SPATA4: variants seen among roughly 807,000 people sequenced by gnomAD.
SPATA4 encodes the protein spermatogenesis associated 4.
Under a neutral mutation model 31.8 loss-of-function variants are expected in SPATA4, and 35 were observed. That is an observed-to-expected ratio of 1.10 (90% confidence interval 0.84 to 1.46). SPATA4 has a LOEUF of 1.46. SPATA4 is among the 40% of genes most tolerant of loss of function. The pLI, the probability that SPATA4 is intolerant of heterozygous loss-of-function variation, is 0.00. For synonymous variants in SPATA4, 126 were observed against 132.4 expected (o/e 0.95, Z 0.33); for missense variants, 394 against 363.1 (o/e 1.09, Z -0.69).
intron 1 of SPATA4, chr4:176,194,564 C>A (rs547601161): frequency 1.6e-4 from 24 of 152,254 alleles, no homozygotes; most frequent in African/African-American, 5.8e-4. Context: ...GCAAAAGATT[C>A]ATTGCCTTTT....
intron 3 of SPATA4, 21 bp from the exon 4 acceptor site, chr4:176,192,868 A>G (rs369976905): frequency 2.7e-5 from 44 of 1,604,312 alleles, no homozygotes; most frequent in Non-Finnish European, 3.6e-5. Flanking sequence ...AAAATAAAAT[A>G]CTGTTGACAA....
chr4:176,193,118 T>C, intron 2 of SPATA4, 42 bp from the exon 3 acceptor site: 1 of 1,270,994 alleles, frequency 7.9e-7, no homozygotes, highest in Non-Finnish European at 1.1e-6. Context: ...TAAGAACTTT[T>C]ATAAAAATCT....
At chr4:176,190,681 A>C (rs1482541636) in intron 4 of SPATA4, among the ~76,000 whole-genome samples, 1 of 152,148 alleles carries the variant, frequency 6.6e-6, no homozygotes, top group African/African-American at 2.4e-5. Context: ...GCTGCACCAC[A>C]TACCTTCTCA....
chr4:176,189,963 G>A (rs1226683481), intron 4 of SPATA4, among the ~76,000 whole-genome samples: 1 of 152,170 alleles, frequency 6.6e-6, no homozygotes, highest in Non-Finnish European at 1.5e-5. Context: ...CAACTCTAAG[G>A]GGGTGCACGT....
intron 1 of SPATA4, among the ~76,000 whole-genome samples, chr4:176,195,043 C>T (rs543260407): frequency 3.9e-4 from 60 of 152,102 alleles, no homozygotes; most frequent in Non-Finnish European, 6.6e-4. Context: ...GCCGTCCTTA[C>T]CAGTATTAAT....
intron 4 of SPATA4, among the ~76,000 whole-genome samples, chr4:176,189,594 C>T (rs142667894): frequency 2.0e-5 from 3 of 152,134 alleles, no homozygotes; most frequent in Admixed American, 6.5e-5. Context: ...TAGGACTTTA[C>T]AAAGTATCAA....
At position 176,188,531 on chromosome 4, in the gene SPATA4, A is replaced by G. The variant is rs549700553; in HGVS notation, c.689-296T>C. On this transcript the variant is annotated intron_variant, in intron 4 of 5. Transcript: ENST00000280191. ...CAAACAGTAAGTATAATTCACTCCA[A>G]TGAATGTGTGAGTGAATACACTTAG... 8.5e-5 allele frequency among the ~76,000 whole-genome samples: 13 copies of G among 152,298 alleles called. No homozygotes were observed. The East Asian group carries it at 2.5e-3, about 29-fold the overall frequency.
intron 4 of SPATA4, among the ~76,000 whole-genome samples, chr4:176,190,423 C>T (rs1410021103): frequency 6.6e-6 from 1 of 152,092 alleles, no homozygotes; most frequent in African/African-American, 2.4e-5. Flanking sequence ...AACAAATTAC[C>T]ACAAATATCA....
chr4:176,195,337 T>C lies in SPATA4; in HGVS notation c.218+8A>G. The C allele has an allele frequency of 6.2e-7, 1 of 1,613,950 alleles. No individual in the cohort carries two copies. Among genetic ancestry groups the C allele is most frequent in the Non-Finnish European group, 8.5e-7 (1 of 1,179,990 alleles). ...CCGGGGGGGCCTAGGACTGGCTTACTCAAGCACCTGTTGATGTTCCTGGGG... is the reference window on the plus strand; with the variant it reads ...CCGGGGGGGCCTAGGACTGGCTTACCCAAGCACCTGTTGATGTTCCTGGGG... On this transcript the variant is annotated splice_region_variant and intron_variant, in intron 1 of 5. Transcript: ENST00000280191.
At position 176,184,643 on chromosome 4, in the gene SPATA4, A is replaced by C; in HGVS notation, c.*137T>G. The stretch of plus-strand genomic sequence containing the variant: ...TAATAAACAAATTGAATGGAAAAGA[A>C]ATGTTCTTTAACACAATTATGGAAA... On this transcript the variant is annotated 3_prime_UTR_variant, in exon 6 of 6. Coordinates refer to ENST00000280191, the MANE Select transcript of SPATA4 (RefSeq NM_144644.4). 1 of 449,948 alleles carries C rather than the reference A, an allele frequency of 2.2e-6. No individual in the cohort carries two copies. The highest frequency in any genetic ancestry group is 3.9e-6 in the Non-Finnish European group (1 of 254,088). 27.9% of individuals were successfully genotyped at this position (449,948 alleles called of 1,614,324 possible).
Position 176,193,043 on chromosome 4 carries a change from C to T in SPATA4, c.382G>A (p.Glu128Lys). The change falls in exon 3 of 6, where the codon GAA becomes AAA. Residue 128 changes from glutamate (E) to lysine (K), a missense_variant. Physicochemically the swap from Glu to Lys is moderately conservative, Grantham distance 56 (BLOSUM62 1). Transcript: ENST00000280191. ...CAATGAATTGTTCCATGGATTAGTT[C>T]TTTAGGTAATTTAAATTTTTTTCTT... is the stretch of plus-strand genomic sequence containing the variant. ...LARKKFKLPK[E>K]LIHGTIHCKA... The T allele has an allele frequency of 6.3e-7, 1 of 1,598,456 alleles. No individual in the cohort carries two copies. The highest frequency in any genetic ancestry group is 8.5e-7 in the Non-Finnish European group (1 of 1,175,926).
In SPATA4 at chr4:176,195,317, G is replaced by A. The variant is rs772532862; in HGVS notation, c.218+28C>T. 12 of 1,608,458 alleles carry A rather than the reference G, an allele frequency of 7.5e-6. No homozygotes were observed. In the Admixed American group the frequency reaches 1.8e-4, roughly 25 times the overall value. The stretch of plus-strand genomic sequence containing the variant: ...GAAAGCAGGCGGGGCGCCCACCGGG[G>A]GGGCCTAGGACTGGCTTACTCAAGC... On this transcript the variant is annotated intron_variant, in intron 1 of 5. Coordinates refer to ENST00000280191, the MANE Select transcript of SPATA4 (RefSeq NM_144644.4).
intron 1 of SPATA4, chr4:176,193,823 AAG>A (rs1456065382): frequency 1.0e-4 from 33 of 318,366 alleles, no homozygotes; most frequent in African/African-American, 7.1e-4. Context: ...GCATTTCAAG[AAG>A]ATCCCCAGGT....
Position 176,195,474 on chromosome 4 carries a change from G to C in SPATA4, c.89C>G (p.Ala30Gly). Residue 30 changes from alanine (A) to glycine (G), a missense_variant, in exon 1 of 6, where the codon GCT becomes GGT. By Grantham distance (60) the Ala-to-Gly change is moderately conservative. Transcript: ENST00000280191. ...CTTCTTAGGCCTCCCTCGGATGGGA[G>C]CTGCTAGCTGTGGCGAAAGTGACGG... ...KSPSLSPQLA[A>G]PIRGRPKKCL... 3 of 1,614,270 alleles carry C rather than the reference G, an allele frequency of 1.9e-6. No homozygotes were observed. The highest frequency in any genetic ancestry group is 2.5e-6 in the Non-Finnish European group (3 of 1,180,042).
chr4:176,184,831 A>T lies in SPATA4; in HGVS notation c.867T>A (p.His289Gln), dbSNP rs1226098824. Residue 289 changes from histidine (H) to glutamine (Q), a missense_variant, in exon 6 of 6, where the codon CAT becomes CAA. His to Gln is a conservative substitution (Grantham distance 24). Coordinates refer to ENST00000280191, the MANE Select transcript of SPATA4 (RefSeq NM_144644.4). Reference protein sequence around the residue: ...REIHVKQAGQHSYYSAMKPIR... With the variant: ...REIHVKQAGQQSYYSAMKPIR... ...TAGGTTTCATAGCAGAGTAATAAGAATGTTGTCCAGCTTGCTTCACATGTA... is the reference window on the plus strand; with the variant it reads ...TAGGTTTCATAGCAGAGTAATAAGATTGTTGTCCAGCTTGCTTCACATGTA... 1.2e-6 allele frequency: 2 copies of T among 1,604,700 alleles called. No individual in the cohort carries two copies. Among genetic ancestry groups the T allele is most frequent in the Non-Finnish European group, 1.7e-6 (2 of 1,175,700 alleles).
At position 176,184,696 on chromosome 4, in the gene SPATA4, A is replaced by G; in HGVS notation, c.*84T>C. 1.6e-6 allele frequency: 1 copy of G among 639,592 alleles called. No homozygotes were observed. Among genetic ancestry groups the G allele is most frequent in the Non-Finnish European group, 2.6e-6 (1 of 389,394 alleles). 39.6% of individuals were successfully genotyped at this position (639,592 alleles called of 1,614,324 possible). A position where few individuals can be genotyped will look rare whatever the true frequency, so the allele number is the denominator to read the frequency against. ...ACACCACTCTATTTATTATTGAAAT[A>G]CATCCAATACTAGGTGATTCTGTTT... On this transcript the variant is annotated 3_prime_UTR_variant, in exon 6 of 6. Coordinates refer to ENST00000280191, the MANE Select transcript of SPATA4 (RefSeq NM_144644.4).
chr4:176,189,886 C>G (rs1045041321), intron 4 of SPATA4, among the ~76,000 whole-genome samples: 1 of 152,174 alleles, frequency 6.6e-6, no homozygotes, highest in African/African-American at 2.4e-5. Context: ...CCGGGAACTT[C>G]AGCAAGACCC....
Position 176,192,626 on chromosome 4 carries a change from C to A in SPATA4, c.688+1G>T. The A allele has an allele frequency of 6.2e-7, 1 of 1,613,488 alleles. No homozygotes were observed. The highest frequency in any genetic ancestry group is 8.5e-7 in the Non-Finnish European group (1 of 1,179,536). On this transcript the variant is annotated splice_donor_variant, in intron 4 of 5. Transcript: ENST00000280191. LOFTEE classifies it high-confidence loss of function. ...CTCAGCTGTTTCAAAGGAAAACTTACCTGGATTCAATTTTCTGCCTAATTT... is the reference window on the plus strand; with the variant it reads ...CTCAGCTGTTTCAAAGGAAAACTTAACTGGATTCAATTTTCTGCCTAATTT...
chr4:176,194,623 A>T (rs1323636047), intron 1 of SPATA4: 1 of 152,070 alleles, frequency 6.6e-6, no homozygotes, highest in African/African-American at 2.4e-5. Context: ...TGCCAGTTAC[A>T]TACAAAGTGC....
Sources: gnomAD v4.1 joint callset for allele counts (sites outside exome capture counted in the v4.1 genomes callset) on GRCh38, gnomAD v4.1.1 for gene constraint, MANE v1.5 for transcripts, NCBI Gene and HGNC (gene_info 2026-07-23, HGNC 2026-07-21) for gene names.